Variants in RPS6KC1 observed in about 807,000 individuals in gnomAD.
RPS6KC1 encodes the protein inactive ribosomal protein S6 kinase delta-1.
In RPS6KC1, 54 loss-of-function variants were observed where a neutral mutation model predicts 103.8. The observed-to-expected ratio is 0.52, with a 90% CI of 0.42 to 0.65. The LOEUF (loss-of-function observed/expected upper bound fraction) is 0.65, where lower values mean the gene tolerates loss of function less well. RPS6KC1 is among the 30% of genes least tolerant of loss of function. The pLI is 0.00. For missense variants in RPS6KC1, 1,151 were observed against 1,253.8 expected, an observed-to-expected ratio of 0.92 and a Z score of 1.24; for synonymous variants, 439 against 438.7, an observed-to-expected ratio of 1.00 and a Z score of -0.01.
chr1:213,317,922 C>A, the RPS6KC1 span, among the ~76,000 whole-genome samples: 1 of 152,232 alleles, frequency 6.6e-6, no homozygotes. Flanking sequence ...TCACCTGCAT[C>A]CCCTGAGCAG....
the RPS6KC1 span, among the ~76,000 whole-genome samples, chr1:213,782,413 C>G: frequency 6.6e-6 from 1 of 152,064 alleles, no homozygotes; most frequent in African/African-American, 2.4e-5. Flanking sequence ...GGTCAACCAC[C>G]AAGAATGCTC....
chr1:213,661,560 G>A, the RPS6KC1 span, among the ~76,000 whole-genome samples: 1 of 152,234 alleles, frequency 6.6e-6, no homozygotes, highest in Admixed American at 6.5e-5. Context: ...GAGGAAGTCA[G>A]AGGCGGGGGA....
chr1:213,350,341 G>A, the RPS6KC1 span, among the ~76,000 whole-genome samples: 1 of 152,150 alleles, frequency 6.6e-6, no homozygotes, highest in South Asian at 2.1e-4. Flanking sequence ...CTGATGTTTT[G>A]AAAATCAGAA....
chr1:213,458,751 A>T, the RPS6KC1 span, among the ~76,000 whole-genome samples: 29 of 152,316 alleles, frequency 1.9e-4, no homozygotes, highest in African/African-American at 6.7e-4. Context: ...TGGGTTTGTC[A>T]TAAATAGCTC....
At chr1:213,406,327 T>A in the RPS6KC1 span, among the ~76,000 whole-genome samples, 1 of 152,256 alleles carries the variant, frequency 6.6e-6, no homozygotes, top group Non-Finnish European at 1.5e-5. Context: ...TTGCTCAGTT[T>A]ATTTTTCAGT....
the RPS6KC1 span, among the ~76,000 whole-genome samples, chr1:213,406,904 C>T: frequency 8.5e-3 from 1,298 of 152,240 alleles, 23 homozygotes; most frequent in African/African-American, 0.029. Context: ...CAAATGAGAG[C>T]GCTGAGGCTT....
At chr1:213,080,872 C>T (rs1042998747) in intron 3 of RPS6KC1, among the ~76,000 whole-genome samples, 11 of 152,170 alleles carry the variant, frequency 7.2e-5, no homozygotes, top group African/African-American at 2.4e-4. Flanking sequence ...GCCTTATTAA[C>T]GTTATTATGA....
the RPS6KC1 span, among the ~76,000 whole-genome samples, chr1:213,398,198 T>A: frequency 4.8e-5 from 5 of 105,226 alleles, no homozygotes; most frequent in Non-Finnish European, 7.9e-5. Flanking sequence ...CACCTGGCCT[T>A]TTTTTTTTTT....
the RPS6KC1 span, among the ~76,000 whole-genome samples, chr1:213,505,236 G>A: frequency 0.11 from 16,186 of 152,142 alleles, 2,049 homozygotes; most frequent in African/African-American, 0.3. Flanking sequence ...GTTTCAGGGA[G>A]AAAAAAAGAA....
intron 12 of RPS6KC1, among the ~76,000 whole-genome samples, chr1:213,246,744 A>G (rs941379324): frequency 1.3e-5 from 2 of 151,994 alleles, no homozygotes; most frequent in South Asian, 2.1e-4. Context: ...AACCTGTACT[A>G]CTAAGCATAT....
chr1:213,810,215 G>A, the RPS6KC1 span, among the ~76,000 whole-genome samples: 1 of 152,238 alleles, frequency 6.6e-6, no homozygotes, highest in Non-Finnish European at 1.5e-5. Context: ...AGCCTGAGGA[G>A]GAGGAGGGTC....
At chr1:213,528,689 T>C in the RPS6KC1 span, among the ~76,000 whole-genome samples, 4 of 152,190 alleles carry the variant, frequency 2.6e-5, no homozygotes, top group African/African-American at 7.2e-5. Context: ...GATGTTGATT[T>C]AATGTCATCT....
chr1:213,447,129 A>G, the RPS6KC1 span, among the ~76,000 whole-genome samples: 1 of 151,572 alleles, frequency 6.6e-6, no homozygotes, highest in Non-Finnish European at 1.5e-5. Context: ...GTGCAGTAGC[A>G]CAATCACAGC....
the RPS6KC1 span, among the ~76,000 whole-genome samples, chr1:213,860,288 A>C: frequency 6.6e-6 from 1 of 151,914 alleles, no homozygotes; most frequent in African/African-American, 2.4e-5. Flanking sequence ...GAATTCTAGG[A>C]TTCTGAAATA....
At chr1:213,305,671 A>G in the RPS6KC1 span, among the ~76,000 whole-genome samples, 2 of 152,190 alleles carry the variant, frequency 1.3e-5, no homozygotes, top group Non-Finnish European at 2.9e-5. Flanking sequence ...TAGGGATTCA[A>G]TTAGATGGCA....
At chr1:213,417,578 A>G in the RPS6KC1 span, among the ~76,000 whole-genome samples, 1 of 150,932 alleles carries the variant, frequency 6.6e-6, no homozygotes, top group Admixed American at 6.6e-5. Flanking sequence ...GAGGGAGGCA[A>G]TGTGGGAAGG....
At chr1:213,177,091 A>C (rs1428200885) in intron 8 of RPS6KC1, among the ~76,000 whole-genome samples, 2 of 152,102 alleles carry the variant, frequency 1.3e-5, no homozygotes, top group Non-Finnish European at 2.9e-5. Context: ...CTAACCCCTC[A>C]CTTCACACCC....
chr1:213,849,893 A>G, the RPS6KC1 span, among the ~76,000 whole-genome samples: 1 of 151,148 alleles, frequency 6.6e-6, no homozygotes. Context: ...TTTTTTTTTC[A>G]TTGTGCTTTC....
chr1:213,821,974 G>A, the RPS6KC1 span: 1 of 152,220 alleles, frequency 6.6e-6, no homozygotes, highest in Non-Finnish European at 1.5e-5. Context: ...TCACTGGGGA[G>A]TGCTGTTAAT....
Sources: gnomAD v4.1 joint callset for allele counts (sites outside exome capture counted in the v4.1 genomes callset) on GRCh38, gnomAD v4.1.1 for gene constraint, MANE v1.5 for transcripts, NCBI Gene and HGNC (gene_info 2026-07-23, HGNC 2026-07-21) for gene names.